NRG3: variants seen among roughly 807,000 people sequenced by gnomAD.
NRG3 encodes pro-neuregulin-3, membrane-bound isoform.
A neutral mutation model predicts 66.9 loss-of-function variants in NRG3; 31 were observed. The observed-to-expected ratio is 0.46, with a 90% CI of 0.35 to 0.63. The LOEUF (loss-of-function observed/expected upper bound fraction) is 0.63, where lower values mean the gene tolerates loss of function less well. Among genes scored for constraint, NRG3 ranks in the 20% least tolerant of loss-of-function variants. The pLI, the probability that NRG3 is intolerant of heterozygous loss-of-function variation, is 0.00. For synonymous variants in NRG3, 393 were observed against 359.4 expected, an observed-to-expected ratio of 1.09 and a Z score of -1.06; for missense variants, 910 against 878.9, an observed-to-expected ratio of 1.04 and a Z score of -0.45.
chr10:81,950,155 C>T (rs1460576494), intron 1 of NRG3, among the ~76,000 whole-genome samples: 2 of 152,190 alleles, frequency 1.3e-5, no homozygotes, highest in Non-Finnish European at 2.9e-5. Context: ...TTGGGTTCCA[C>T]CCTTTTTATT....
chr10:82,697,640 C>T (rs147736332), intron 2 of NRG3, among the ~76,000 whole-genome samples: 35 of 152,280 alleles, frequency 2.3e-4, no homozygotes, highest in African/African-American at 8.2e-4. Flanking sequence ...CTTGTGGGTA[C>T]TCCAACAGCA....
At chr10:82,496,927 C>T (rs936024127) in intron 2 of NRG3, among the ~76,000 whole-genome samples, 3 of 152,128 alleles carry the variant, frequency 2.0e-5, no homozygotes. Context: ...CATTGATTTT[C>T]ATATTTAATA....
At chr10:82,984,632 C>T (rs549005953) in intron 8 of NRG3, 2 of 648,910 alleles carry the variant, frequency 3.1e-6, no homozygotes, top group East Asian at 5.6e-5. Context: ...TTGGCTTCGA[C>T]TAGGGTGGCC....
intron 6 of NRG3, among the ~76,000 whole-genome samples, chr10:82,972,000 C>G (rs1475932213): frequency 1.3e-5 from 2 of 152,012 alleles, no homozygotes; most frequent in Non-Finnish European, 2.9e-5. Context: ...CATAGAAGAC[C>G]AGATATTCAG....
chr10:82,431,403 A>G (rs973639008), intron 2 of NRG3, among the ~76,000 whole-genome samples: 3 of 152,214 alleles, frequency 2.0e-5, no homozygotes, highest in Admixed American at 1.3e-4. Flanking sequence ...AGGAATGAGA[A>G]TGCAGTTAGT....
At chr10:82,843,656 C>A (rs61860664) in intron 3 of NRG3, among the ~76,000 whole-genome samples, 1 of 152,014 alleles carries the variant, frequency 6.6e-6, no homozygotes, top group Admixed American at 6.6e-5. Flanking sequence ...GTGAGCACAG[C>A]AAAGCACAGC....
At chr10:82,190,824 C>G (rs966084265) in intron 1 of NRG3, among the ~76,000 whole-genome samples, 4 of 152,198 alleles carry the variant, frequency 2.6e-5, no homozygotes, top group Non-Finnish European at 5.9e-5. Context: ...TTCCTCCCAA[C>G]TGTATTTCCT....
At chr10:81,996,634 C>G (rs527893210) in intron 1 of NRG3, among the ~76,000 whole-genome samples, 1 of 151,772 alleles carries the variant, frequency 6.6e-6, no homozygotes, top group East Asian at 1.9e-4. Flanking sequence ...AGTGATAGTG[C>G]TGAATTCATA....
chr10:82,474,034 G>A (rs1456864142), intron 2 of NRG3, among the ~76,000 whole-genome samples: 1 of 152,054 alleles, frequency 6.6e-6, no homozygotes, highest in African/African-American at 2.4e-5. Context: ...CACAGGACCA[G>A]GAATATACAT....
At chr10:82,934,246 C>T (rs1847859201) in intron 4 of NRG3, among the ~76,000 whole-genome samples, 1 of 152,230 alleles carries the variant, frequency 6.6e-6, no homozygotes, top group South Asian at 2.1e-4. Context: ...GTCACAAGAA[C>T]TATTGCCATA....
chr10:82,750,244 C>T (rs904460751), intron 3 of NRG3, among the ~76,000 whole-genome samples: 2 of 152,138 alleles, frequency 1.3e-5, no homozygotes, highest in Admixed American at 6.6e-5. Flanking sequence ...TTTCCTGAGA[C>T]AGCTATTTTC....
chr10:81,934,682 G>A (rs1166869914), intron 1 of NRG3, among the ~76,000 whole-genome samples: 1 of 152,058 alleles, frequency 6.6e-6, no homozygotes, highest in African/African-American at 2.4e-5. Flanking sequence ...AGTAAATTGG[G>A]TTTGGAATTG....
At chr10:81,886,033 G>A (rs190143096) in intron 1 of NRG3, among the ~76,000 whole-genome samples, 1 of 152,200 alleles carries the variant, frequency 6.6e-6, no homozygotes, top group East Asian at 1.9e-4. Flanking sequence ...GGGAGGTAGA[G>A]CATCAGGATA....
At chr10:82,282,243 A>T (rs1310058069) in intron 1 of NRG3, among the ~76,000 whole-genome samples, 1 of 146,336 alleles carries the variant, frequency 6.8e-6, no homozygotes, top group African/African-American at 2.5e-5. Context: ...AATTTTGAAA[A>T]CATTACATTT....
chr10:82,473,459 AAACAAACAAACAAACC>A (rs1415548749), intron 2 of NRG3, among the ~76,000 whole-genome samples: 1 of 151,536 alleles, frequency 6.6e-6, no homozygotes, highest in East Asian at 1.9e-4. Flanking sequence ...GGCAACATGA[AAACAAACAAACAAACC>A]AACAAACAAA....
intron 2 of NRG3, among the ~76,000 whole-genome samples, chr10:82,359,197 T>C (rs1349355318): frequency 6.6e-6 from 1 of 152,242 alleles, no homozygotes; most frequent in Non-Finnish European, 1.5e-5. Flanking sequence ...GCATATATCC[T>C]AGTACTCAGA....
chr10:81,910,876 T>C (rs528686594), intron 1 of NRG3, among the ~76,000 whole-genome samples: 73 of 152,146 alleles, frequency 4.8e-4, no homozygotes, highest in Non-Finnish European at 7.2e-4. Context: ...CAGGCAGATC[T>C]TGAACTCCTA....
intron 4 of NRG3, among the ~76,000 whole-genome samples, chr10:82,874,602 A>G (rs1779392823): frequency 6.6e-6 from 1 of 152,192 alleles, no homozygotes; most frequent in African/African-American, 2.4e-5. Flanking sequence ...CTACGTGAGA[A>G]ATCAGATATA....
chr10:82,646,887 T>G (rs1273575063), intron 2 of NRG3, among the ~76,000 whole-genome samples: 1 of 152,042 alleles, frequency 6.6e-6, no homozygotes, highest in African/African-American at 2.4e-5. Context: ...CCCACCAAAT[T>G]TAGGCCTTTA....
Sources: gnomAD v4.1 joint callset for allele counts (sites outside exome capture counted in the v4.1 genomes callset) on GRCh38, gnomAD v4.1.1 for gene constraint, MANE v1.5 for transcripts, NCBI Gene and HGNC (gene_info 2026-07-23, HGNC 2026-07-21) for gene names.